SPATA13: variants seen among roughly 807,000 people sequenced by gnomAD.
SPATA13 encodes the protein spermatogenesis associated 13.
SPATA13 carries 50 observed loss-of-function variants against 104.0 expected under a neutral mutation model. The ratio of observed to expected loss-of-function variants is 0.48; its 90% CI spans 0.38 to 0.61. SPATA13 has a LOEUF of 0.61. Ranked by LOEUF, SPATA13 falls within the 20% of genes least tolerant of loss-of-function variation. SPATA13 has a pLI of 0.00. For missense variants in SPATA13, 1,524 were observed against 1,690.6 expected (o/e 0.90, Z 1.73); for synonymous variants, 606 against 667.5 (o/e 0.91, Z 1.42).
At chr13:23,982,505 A>G (rs1273537561) in intron 1 of SPATA13, among the ~76,000 whole-genome samples, 1 of 152,222 alleles carries the variant, frequency 6.6e-6, no homozygotes, top group Non-Finnish European at 1.5e-5. Context: ...GATGAAAACT[A>G]GAGTAGAACT....
At chr13:24,254,818 C>CTTTT (rs5802273) in intron 4 of SPATA13, among the ~76,000 whole-genome samples, 1 of 148,300 alleles carries the variant, frequency 6.7e-6, no homozygotes, top group Middle Eastern at 3.4e-3. Flanking sequence ...TTGCTTGCTT[C>CTTTT]TTTTTTTTTT....
intron 3 of SPATA13, among the ~76,000 whole-genome samples, chr13:24,139,371 A>G (rs1881678394): frequency 6.6e-6 from 1 of 152,216 alleles, no homozygotes; most frequent in South Asian, 2.1e-4. Context: ...TAGTGGGGGC[A>G]CTGTTCAGCC....
intron 3 of SPATA13, among the ~76,000 whole-genome samples, chr13:24,105,182 G>C (rs569680445): frequency 6.6e-6 from 1 of 152,164 alleles, no homozygotes; most frequent in Admixed American, 6.5e-5. Context: ...GAGTGCAGTG[G>C]CATGATCATG....
chr13:24,125,379 G>A (rs1881175573), intron 3 of SPATA13, among the ~76,000 whole-genome samples: 1 of 152,128 alleles, frequency 6.6e-6, no homozygotes, highest in Admixed American at 6.5e-5. Context: ...GACATTTCAA[G>A]CCTCAGAGTG....
chr13:24,250,657 G>C (rs1038439203), intron 3 of SPATA13, among the ~76,000 whole-genome samples: 1 of 152,128 alleles, frequency 6.6e-6, no homozygotes, highest in Non-Finnish European at 1.5e-5. Context: ...CATTTTTCCT[G>C]TAAAGCCCCA....
intron 3 of SPATA13, among the ~76,000 whole-genome samples, chr13:24,036,174 T>C (rs56331495): frequency 0.24 from 35,849 of 152,178 alleles, 4,481 homozygotes; most frequent in Admixed American, 0.28. Context: ...AAAATTCCAT[T>C]ACATAAATTC....
At chr13:24,033,214 C>T (rs1877543937) in intron 3 of SPATA13, among the ~76,000 whole-genome samples, 1 of 152,048 alleles carries the variant, frequency 6.6e-6, no homozygotes. Flanking sequence ...CCAAATTGGA[C>T]AGAACTGCTC....
intron 1 of SPATA13, among the ~76,000 whole-genome samples, chr13:24,173,362 TTGTGTGTG>T (rs60850610): frequency 0.36 from 53,018 of 146,614 alleles, 11,049 homozygotes; most frequent in Middle Eastern, 0.51. Flanking sequence ...TAGTTCTTAG[TTGTGTGTG>T]TGTGTGTGTG....
rs34868919 is a variant in SPATA13, at chr13:24,046,205, C to T, written c.-112+28504C>T. Among the ~76,000 whole-genome samples the T allele has an allele frequency of 5.2e-3, 791 of 152,148 alleles. 5 individuals carry two copies. Among genetic ancestry groups the T allele is most frequent in the Non-Finnish European group, 9.3e-3 (630 of 68,010 alleles). On this transcript the variant is annotated intron_variant, in intron 3 of 14. Transcript: ENST00000424834. ...ACTAGCATTTAGGTTAAGAAACAGC[C>T]TCAGAAATCCTCCTCCTGTCACCTC...
At chr13:24,128,154 G>C (rs1881279453) in intron 3 of SPATA13, among the ~76,000 whole-genome samples, 1 of 152,182 alleles carries the variant, frequency 6.6e-6, no homozygotes, top group African/African-American at 2.4e-5. Flanking sequence ...GAGGAAGAAA[G>C]CACCTTCTAC....
chr13:24,186,779 C>T (rs1199032064), intron 1 of SPATA13, among the ~76,000 whole-genome samples: 6 of 151,982 alleles, frequency 3.9e-5, no homozygotes, highest in African/African-American at 7.3e-5. Flanking sequence ...GCTATTGAGG[C>T]GGTTGATCAA....
At chr13:24,127,433 C>T (rs558726388) in intron 3 of SPATA13, among the ~76,000 whole-genome samples, 1 of 152,208 alleles carries the variant, frequency 6.6e-6, no homozygotes, top group Non-Finnish European at 1.5e-5. Flanking sequence ...TTGCTGAAAT[C>T]CAACCAGAGG....
chr13:24,143,824 A>G (rs972612185), intron 3 of SPATA13, among the ~76,000 whole-genome samples: 1 of 152,220 alleles, frequency 6.6e-6, no homozygotes, highest in African/African-American at 2.4e-5. Flanking sequence ...ACTAGGAGAA[A>G]GGACTTACTT....
intron 1 of SPATA13, among the ~76,000 whole-genome samples, chr13:24,190,267 T>TAAC (rs1566141539): frequency 6.7e-4 from 8 of 11,964 alleles, no homozygotes; most frequent in African/African-American, 9.7e-4. Flanking sequence ...ATACATAATA[T>TAAC]ATATTATTAT....
Position 24,260,092 on chromosome 13 carries a change from G to C in SPATA13, c.2164+8230G>C, listed in dbSNP as rs370147420. ...AGAGAGTGTTCCTACAGAGCTGCCA[G>C]TGTGGTGGATGAATGGGAAAAACCA... On this transcript the variant is annotated intron_variant, in intron 4 of 12. Coordinates refer to ENST00000382108, the MANE Select transcript of SPATA13 (RefSeq NM_001166271.3). Among the ~76,000 whole-genome samples the C allele has an allele frequency of 4.6e-5, 7 of 152,224 alleles. No individual in the cohort carries two copies. In the South Asian group the frequency reaches 8.3e-4, roughly 18 times the overall value.
intron 2 of SPATA13, among the ~76,000 whole-genome samples, chr13:23,994,809 G>A (rs1372398474): frequency 6.6e-6 from 1 of 152,190 alleles, no homozygotes; most frequent in Admixed American, 6.5e-5. Flanking sequence ...CTCCCTTAGA[G>A]TCATCAAGAA....
At chr13:24,221,486 C>T (rs1871584455) in intron 1 of SPATA13, among the ~76,000 whole-genome samples, 1 of 137,796 alleles carries the variant, frequency 7.3e-6, no homozygotes, top group South Asian at 2.4e-4. Flanking sequence ...TAAGGGGGAG[C>T]AGGATTTTCA....
At chr13:24,207,558 G>T (rs1024976373) in intron 1 of SPATA13, among the ~76,000 whole-genome samples, 1 of 80,412 alleles carries the variant, frequency 1.2e-5, no homozygotes, top group Non-Finnish European at 2.6e-5. Flanking sequence ...GTACACCCGG[G>T]TTCGTTTCTC....
At chr13:24,069,061 C>T (rs1251914832) in intron 3 of SPATA13, among the ~76,000 whole-genome samples, 1 of 152,110 alleles carries the variant, frequency 6.6e-6, no homozygotes, top group Non-Finnish European at 1.5e-5. Flanking sequence ...TAGCGTATAC[C>T]TCCACTTTTC....
Sources: gnomAD v4.1 joint callset for allele counts (sites outside exome capture counted in the v4.1 genomes callset) on GRCh38, gnomAD v4.1.1 for gene constraint, MANE v1.5 for transcripts, NCBI Gene and HGNC (gene_info 2026-07-23, HGNC 2026-07-21) for gene names.